The following PTPRN2 variants were observed in gnomAD, a reference collection of about 807,000 sequenced individuals.
The protein encoded by PTPRN2 is protein tyrosine phosphatase receptor type N2, also known as receptor-type tyrosine-protein phosphatase N2.
In PTPRN2, 74 loss-of-function variants were observed where a neutral mutation model predicts 118.8. The ratio of observed to expected loss-of-function variants is 0.62; its 90% CI spans 0.52 to 0.76. PTPRN2 has a LOEUF of 0.76. PTPRN2 is among the 30% of genes least tolerant of loss of function. The pLI is 0.00. For synonymous variants in PTPRN2, 641 were observed against 608.0 expected (o/e 1.05, Z -0.80); for missense variants, 1,481 against 1,394.4 (o/e 1.06, Z -0.99).
At chr7:157,879,972 C>A (rs1453575764) in intron 12 of PTPRN2, among the ~76,000 whole-genome samples, 1 of 152,052 alleles carries the variant, frequency 6.6e-6, no homozygotes, top group Non-Finnish European at 1.5e-5. Context: ...TGAGTATTAT[C>A]CACTGCTAAT....
At chr7:158,204,163 T>C (rs1826923755) in intron 4 of PTPRN2, among the ~76,000 whole-genome samples, 1 of 151,058 alleles carries the variant, frequency 6.6e-6, no homozygotes, top group Admixed American at 6.6e-5. Context: ...TGCGGCGTTC[T>C]GGGGAAAGAA....
chr7:158,007,852 CTGCATGTGTGTGGATGCATGCATG>C (rs914179328), intron 11 of PTPRN2, among the ~76,000 whole-genome samples: 1 of 119,882 alleles, frequency 8.3e-6, no homozygotes, highest in Non-Finnish European at 1.7e-5. Context: ...TGTGTGTGTG[CTGCATGTGTGTGGATGCATGCATG>C]TGCACGTGTG....
At chr7:157,970,644 C>CA in intron 11 of PTPRN2, among the ~76,000 whole-genome samples, 1 of 150,780 alleles carries the variant, frequency 6.6e-6, no homozygotes, top group Admixed American at 6.6e-5. Context: ...GGACCCCCCC[C>CA]CCCACAGGTT....
Position 157,987,503 on chromosome 7 carries a change from T to C in PTPRN2, c.1724-88766A>G, listed in dbSNP as rs1417783732. 6.6e-6 allele frequency among the ~76,000 whole-genome samples: 1 copy of C among 152,044 alleles called. No individual in the cohort carries two copies. Among genetic ancestry groups the C allele is most frequent in the African/African-American group, 2.4e-5 (1 of 41,376 alleles). On this transcript the variant is annotated intron_variant, in intron 11 of 22. Coordinates refer to ENST00000389418, the MANE Select transcript of PTPRN2 (RefSeq NM_002847.5). The surrounding 1 kb of genome is among the most constrained non-coding windows in gnomAD (Gnocchi z 4.3). The stretch of plus-strand genomic sequence containing the variant: ...ATAGGGTGTGATGACCTGTCAGTCA[T>C]TATCTCTTGCATAAGAGACTTCCCA...
intron 11 of PTPRN2, among the ~76,000 whole-genome samples, chr7:157,961,552 A>T (rs1801539848): frequency 6.6e-6 from 1 of 152,144 alleles, no homozygotes; most frequent in African/African-American, 2.4e-5. Context: ...AAAAATTATA[A>T]AAAGTCGATT....
At chr7:158,007,432 G>A (rs1328973554) in intron 11 of PTPRN2, among the ~76,000 whole-genome samples, 1 of 152,174 alleles carries the variant, frequency 6.6e-6, no homozygotes, top group African/African-American at 2.4e-5. Flanking sequence ...ACATCAAGGA[G>A]AGAGGACAAG....
At chr7:158,196,666 G>A (rs1373035692) in intron 4 of PTPRN2, among the ~76,000 whole-genome samples, 2 of 152,174 alleles carry the variant, frequency 1.3e-5, no homozygotes, top group Non-Finnish European at 2.9e-5. Flanking sequence ...AGCTCCCCGG[G>A]CACCCCTGGG....
In PTPRN2 at chr7:157,944,700, G is replaced by A. The variant is rs1393354692; in HGVS notation, c.1724-45963C>T. On this transcript the variant is annotated intron_variant, in intron 11 of 22. Coordinates refer to ENST00000389418, the MANE Select transcript of PTPRN2 (RefSeq NM_002847.5). This position sits in a 1 kb window ranked among gnomAD's most constrained non-coding sequence, Gnocchi z 4.3. ...GAAGGGAGTTGTTTTTAGTCACCAG[G>A]CCAGTGACCACTGTCCAGCAGGTCC... Among the ~76,000 whole-genome samples the A allele has an allele frequency of 1.3e-5, 2 of 152,186 alleles. No homozygotes were observed. The highest frequency in any genetic ancestry group is 4.8e-5 in the African/African-American group (2 of 41,434).
chr7:158,133,415 T>C (rs1199640600), intron 9 of PTPRN2, among the ~76,000 whole-genome samples: 2 of 152,188 alleles, frequency 1.3e-5, no homozygotes, highest in Admixed American at 6.5e-5. Context: ...GGAAGGGATT[T>C]GCTTGGTTTG....
At chr7:157,553,423 C>T (rs1286798263) in intron 21 of PTPRN2, among the ~76,000 whole-genome samples, 11 of 152,184 alleles carry the variant, frequency 7.2e-5, no homozygotes, top group African/African-American at 2.4e-5. Flanking sequence ...TCTCCCTCCG[C>T]GTGCACTGAT....
chr7:157,948,470 A>T (rs568053168), intron 11 of PTPRN2, among the ~76,000 whole-genome samples: 8 of 152,186 alleles, frequency 5.3e-5, no homozygotes, highest in South Asian at 4.1e-4. Flanking sequence ...GAAAATGAGA[A>T]GGGAATCAAA....
chr7:158,578,699 C>T (rs1586975817), intron 1 of PTPRN2, among the ~76,000 whole-genome samples: 1 of 152,052 alleles, frequency 6.6e-6, no homozygotes, highest in South Asian at 2.1e-4. Context: ...TCCTTCCTCC[C>T]TCCCTTCTTT....
chr7:157,971,373 C>T (rs1237543499), intron 11 of PTPRN2, among the ~76,000 whole-genome samples: 2 of 152,110 alleles, frequency 1.3e-5, no homozygotes, highest in Non-Finnish European at 2.9e-5. Flanking sequence ...GATATTCCAC[C>T]CCAGTGCAGC....
chr7:158,457,932 A>G (rs1263523163), intron 2 of PTPRN2, among the ~76,000 whole-genome samples: 1 of 152,112 alleles, frequency 6.6e-6, no homozygotes, highest in Non-Finnish European at 1.5e-5. Flanking sequence ...AAAACTTCAC[A>G]CCTCTGACTG....
intron 4 of PTPRN2, among the ~76,000 whole-genome samples, chr7:158,204,044 G>A (rs1288420507): frequency 6.6e-6 from 1 of 150,768 alleles, no homozygotes; most frequent in Non-Finnish European, 1.5e-5. Flanking sequence ...CGCGTTCTGG[G>A]GAAAGACACG....
rs774355534 is a variant in PTPRN2 at position 157,763,912 on chromosome 7, CA to C, written c.1789-80976del. On this transcript the variant is annotated intron_variant, in intron 12 of 22. Coordinates refer to ENST00000389418, the MANE Select transcript of PTPRN2 (RefSeq NM_002847.5). The surrounding 1 kb of genome is among the most constrained non-coding windows in gnomAD (Gnocchi z 4.9). ...TGTTTTCAGAGAAGCAACAACACCT[CA>C]TATTCAGTCTAACCTGTGACCATTT... 6.6e-6 allele frequency among the ~76,000 whole-genome samples: 1 copy of C among 152,158 alleles called. No homozygotes were observed. The highest frequency in any genetic ancestry group is 1.5e-5 in the Non-Finnish European group (1 of 68,026).
intron 2 of PTPRN2, among the ~76,000 whole-genome samples, chr7:158,407,933 T>G (rs555892399): frequency 1.3e-5 from 2 of 152,358 alleles, no homozygotes; most frequent in African/African-American, 4.8e-5. Flanking sequence ...CTACAGAGCT[T>G]GTGTGCAAAT....
At chr7:158,070,857 C>T (rs1301162725) in intron 11 of PTPRN2, among the ~76,000 whole-genome samples, 9 of 111,362 alleles carry the variant, frequency 8.1e-5, no homozygotes, top group Admixed American at 6.7e-4. Context: ...TATGGAGGTG[C>T]CCGTGGTGGT....
At chr7:158,149,811 A>C (rs1225267542) in intron 6 of PTPRN2, among the ~76,000 whole-genome samples, 1 of 152,130 alleles carries the variant, frequency 6.6e-6, no homozygotes, top group East Asian at 1.9e-4. Context: ...CTCAAAAAAA[A>C]AAAAAAGATA....
Sources: gnomAD v4.1 joint callset for allele counts (sites outside exome capture counted in the v4.1 genomes callset) on GRCh38, gnomAD v4.1.1 for gene constraint, Gnocchi (gnomAD v3.1) non-coding constraint, MANE v1.5 for transcripts, NCBI Gene and HGNC (gene_info 2026-07-23, HGNC 2026-07-21) for gene names.